Variants in ASTN2 observed in about 807,000 individuals in gnomAD.
ASTN2 encodes astrotactin 2.
A neutral mutation model predicts 139.8 loss-of-function variants in ASTN2; 54 were observed. The observed-to-expected ratio is 0.39, with a 90% CI of 0.31 to 0.48. The LOEUF (loss-of-function observed/expected upper bound fraction) is 0.48. ASTN2 is among the 20% of genes least tolerant of loss of function. ASTN2 has a pLI of 0.95. For missense variants in ASTN2, 1,565 were observed against 1,725.1 expected, an observed-to-expected ratio of 0.91 and a Z score of 1.64; for synonymous variants, 756 against 719.5, an observed-to-expected ratio of 1.05 and a Z score of -0.81.
At chr9:116,980,305 C>A (rs547041063) in intron 7 of ASTN2, among the ~76,000 whole-genome samples, 1 of 152,000 alleles carries the variant, frequency 6.6e-6, no homozygotes, top group South Asian at 2.1e-4. Context: ...GGTCATACTA[C>A]CCAGAAACTA....
intron 4 of ASTN2, among the ~76,000 whole-genome samples, chr9:117,120,629 G>GC (rs368729190): frequency 4.6e-5 from 7 of 152,158 alleles, no homozygotes; most frequent in African/African-American, 1.7e-4. Context: ...CCTCTCCCTA[G>GC]CCCCCAAATG....
intron 13 of ASTN2, among the ~76,000 whole-genome samples, chr9:116,799,714 G>GA (rs1830793595): frequency 1.4e-5 from 2 of 143,758 alleles, no homozygotes; most frequent in South Asian, 4.9e-4. Flanking sequence ...AGTGGGGGGG[G>GA]GGAGAATAAA....
At chr9:116,966,920 T>C (rs1246115475) in intron 10 of ASTN2, among the ~76,000 whole-genome samples, 6 of 152,182 alleles carry the variant, frequency 3.9e-5, no homozygotes, top group Non-Finnish European at 7.3e-5. Flanking sequence ...TTACAGAGAA[T>C]GCCCCTTCTT....
At chr9:117,104,892 G>C (rs186839326) in intron 4 of ASTN2, among the ~76,000 whole-genome samples, 1 of 152,020 alleles carries the variant, frequency 6.6e-6, no homozygotes, top group East Asian at 1.9e-4. Flanking sequence ...TCTCAGAGGG[G>C]GATCATTCCA....
intron 19 of ASTN2, among the ~76,000 whole-genome samples, chr9:116,605,212 G>A (rs113837262): frequency 6.6e-6 from 1 of 152,110 alleles, no homozygotes; most frequent in Non-Finnish European, 1.5e-5. Flanking sequence ...TACTGATCGG[G>A]GGGGAGAGGC....
intron 4 of ASTN2, among the ~76,000 whole-genome samples, chr9:117,113,371 T>G (rs1259294199): frequency 6.6e-6 from 1 of 152,120 alleles, no homozygotes; most frequent in Non-Finnish European, 1.5e-5. Context: ...TACAGCATAT[T>G]TAGGCCAGGC....
intron 22 of ASTN2, among the ~76,000 whole-genome samples, chr9:116,426,903 C>T (rs1182494720): frequency 6.6e-6 from 1 of 152,124 alleles, no homozygotes; most frequent in Non-Finnish European, 1.5e-5. Flanking sequence ...TAAATGATAG[C>T]TACTCTTATA....
chr9:117,012,542 TATC>T (rs1225296314), intron 6 of ASTN2, among the ~76,000 whole-genome samples: 1 of 152,196 alleles, frequency 6.6e-6, no homozygotes. Context: ...AGAGATCAAA[TATC>T]TGCCCAGATA....
At chr9:116,443,959 C>T (rs959985433) in intron 20 of ASTN2, among the ~76,000 whole-genome samples, 58 of 152,150 alleles carry the variant, frequency 3.8e-4, no homozygotes, top group African/African-American at 1.4e-3. Context: ...GCCATACATA[C>T]TTGTACTTAA....
chr9:117,246,006 C>T (rs1447548905), intron 2 of ASTN2, among the ~76,000 whole-genome samples: 4 of 152,298 alleles, frequency 2.6e-5, no homozygotes, highest in Non-Finnish European at 5.9e-5. Context: ...ACAAAGACCA[C>T]GTCTACTTGC....
At position 117,130,719 on chromosome 9, in the gene ASTN2, T is replaced by C. The variant is rs559772318; in HGVS notation, c.1168+10607A>G. 2.6e-5 allele frequency among the ~76,000 whole-genome samples: 4 copies of C among 152,362 alleles called. No individual in the cohort carries two copies. The South Asian group carries it at 8.3e-4, about 32-fold the overall frequency. ...ACATGACTTGCCTGTTTTCTTTCCA[T>C]GTAGGAATGGGAGCTTTTGCTATAC... On this transcript the variant is annotated intron_variant, in intron 4 of 22. Transcript: ENST00000313400.
At chr9:116,742,962 A>T (rs1829133230) in intron 13 of ASTN2, among the ~76,000 whole-genome samples, 1 of 152,140 alleles carries the variant, frequency 6.6e-6, no homozygotes, top group Non-Finnish European at 1.5e-5. Context: ...AAAACTACCC[A>T]AGACCATCCA....
Position 116,699,464 on chromosome 9 carries a change from T to C in ASTN2, c.2806+26307A>G. 6.2e-7 allele frequency: 1 copy of C among 1,614,168 alleles called. No individual in the cohort carries two copies. Among genetic ancestry groups the C allele is most frequent in the Admixed American group, 1.7e-5 (1 of 60,026 alleles). ...GCCACTTCTTCTCGGAGAATGAGGATTTCCGCTGCATTGCTGGCATGTGTG... is the reference window on the plus strand; with the variant it reads ...GCCACTTCTTCTCGGAGAATGAGGACTTCCGCTGCATTGCTGGCATGTGTG... On this transcript the variant is annotated intron_variant, in intron 16 of 22. Transcript: ENST00000313400. The surrounding 1 kb of genome is among the most constrained non-coding windows in gnomAD (Gnocchi z 4.2).
At position 116,863,565 on chromosome 9, in the gene ASTN2, G is replaced by C. The variant is rs370187521; in HGVS notation, c.2040+18C>G. 14 of 1,611,978 alleles carry C rather than the reference G, an allele frequency of 8.7e-6. No individual in the cohort carries two copies. The East Asian group carries it at 2.9e-4, about 33-fold the overall frequency. ...GCCCCTGGGCCACTGCCATGTTCCC[G>C]GGCCAATGGGCACTTACCACACATC... is the stretch of plus-strand genomic sequence containing the variant. On this transcript the variant is annotated intron_variant, in intron 11 of 22. Transcript: ENST00000313400.
intron 5 of ASTN2, among the ~76,000 whole-genome samples, chr9:117,056,615 A>G (rs1243589592): frequency 6.6e-6 from 1 of 152,208 alleles, no homozygotes; most frequent in Non-Finnish European, 1.5e-5. Flanking sequence ...AGTTTGCTTA[A>G]TGAAATCCAG....
chr9:117,410,948 CTT>C (rs1243474945), intron 1 of ASTN2, among the ~76,000 whole-genome samples: 1 of 152,178 alleles, frequency 6.6e-6, no homozygotes, highest in African/African-American at 2.4e-5. Flanking sequence ...GAGAAAAGCT[CTT>C]GTCTAACAAT....
At chr9:116,781,612 A>G (rs941317099) in intron 13 of ASTN2, among the ~76,000 whole-genome samples, 6 of 152,224 alleles carry the variant, frequency 3.9e-5, no homozygotes, top group Non-Finnish European at 4.4e-5. Flanking sequence ...TAGAACTGTT[A>G]TTAGTCTGTT....
intron 20 of ASTN2, among the ~76,000 whole-genome samples, chr9:116,446,284 G>T (rs1317796549): frequency 7.4e-4 from 111 of 149,406 alleles, no homozygotes; most frequent in Non-Finnish European, 7.9e-4. Flanking sequence ...GAGAGAGAGA[G>T]AGAGAGAGAG....
chr9:117,305,034 G>A (rs983216805), intron 1 of ASTN2, among the ~76,000 whole-genome samples: 2 of 152,220 alleles, frequency 1.3e-5, no homozygotes, highest in Non-Finnish European at 2.9e-5. Context: ...GGTCAGACAC[G>A]AGAAGTCCTG....
Sources: gnomAD v4.1 joint callset for allele counts (sites outside exome capture counted in the v4.1 genomes callset) on GRCh38, gnomAD v4.1.1 for gene constraint, Gnocchi (gnomAD v3.1) non-coding constraint, MANE v1.5 for transcripts, NCBI Gene and HGNC (gene_info 2026-07-23, HGNC 2026-07-21) for gene names.